The following ERC2 variants were observed in gnomAD, a reference collection of about 807,000 sequenced individuals.
The protein encoded by ERC2 is ERC protein 2.
A neutral mutation model predicts 114.8 loss-of-function variants in ERC2; 42 were observed. The ratio of observed to expected loss-of-function variants is 0.37; its 90% CI spans 0.29 to 0.47. The LOEUF (loss-of-function observed/expected upper bound fraction) is 0.47, where lower values mean the gene tolerates loss of function less well. Among genes scored for constraint, ERC2 ranks in the 20% least tolerant of loss-of-function variants. The pLI is 0.99. For synonymous variants in ERC2, 454 were observed against 425.5 expected, an observed-to-expected ratio of 1.07 and a Z score of -0.82; for missense variants, 939 against 1,150.7, an observed-to-expected ratio of 0.82 and a Z score of 2.66.
At chr3:55,884,899 A>T (rs1236558493) in intron 14 of ERC2, among the ~76,000 whole-genome samples, 1 of 152,218 alleles carries the variant, frequency 6.6e-6, no homozygotes, top group East Asian at 1.9e-4. Flanking sequence ...GCTTAAAAAA[A>T]AAAATCTTAT....
intron 6 of ERC2, among the ~76,000 whole-genome samples, chr3:56,106,357 G>A (rs1478381354): frequency 2.6e-5 from 4 of 152,232 alleles, no homozygotes; most frequent in African/African-American, 9.6e-5. Flanking sequence ...ATCCAGTTAT[G>A]TATTAGAGCT....
intron 17 of ERC2, among the ~76,000 whole-genome samples, chr3:55,564,417 TA>T (rs1452277693): frequency 1.3e-5 from 2 of 152,190 alleles, no homozygotes; most frequent in Non-Finnish European, 2.9e-5. Context: ...ACCCATAATT[TA>T]ACCAGTTGTG....
intron 17 of ERC2, among the ~76,000 whole-genome samples, chr3:55,592,359 T>C (rs964643241): frequency 6.6e-6 from 1 of 152,180 alleles, no homozygotes; most frequent in Admixed American, 6.5e-5. Flanking sequence ...TCTAGGCCAA[T>C]CCCTTCAGCC....
At chr3:56,244,904 TA>T (rs2051578243) in intron 3 of ERC2, among the ~76,000 whole-genome samples, 2 of 152,266 alleles carry the variant, frequency 1.3e-5, no homozygotes, top group South Asian at 2.1e-4. Context: ...CTCTCTTTCA[TA>T]CCACATTTTT....
chr3:56,309,119 G>T (rs891386808), intron 2 of ERC2, among the ~76,000 whole-genome samples: 1 of 152,236 alleles, frequency 6.6e-6, no homozygotes, highest in East Asian at 1.9e-4. Flanking sequence ...TTGGCCTGCT[G>T]AGGGAGGTAT....
intron 2 of ERC2, among the ~76,000 whole-genome samples, chr3:56,394,963 G>A (rs1477351964): frequency 3.3e-5 from 5 of 151,524 alleles, no homozygotes; most frequent in South Asian, 2.1e-4. Flanking sequence ...TCCATACAAC[G>A]GAATATTATC....
At chr3:55,822,559 CT>C (rs1317529889) in intron 14 of ERC2, among the ~76,000 whole-genome samples, 4 of 131,192 alleles carry the variant, frequency 3.0e-5, no homozygotes, top group South Asian at 2.5e-4. Flanking sequence ...ATTTTTTTTT[CT>C]TTTTTTTCTT....
intron 1 of ERC2, among the ~76,000 whole-genome samples, chr3:56,449,457 C>T (rs981655126): frequency 2.6e-5 from 4 of 152,168 alleles, no homozygotes; most frequent in Admixed American, 2.6e-4. Flanking sequence ...TGCAAAACAA[C>T]TTTGAAATAA....
intron 17 of ERC2, among the ~76,000 whole-genome samples, chr3:55,553,652 C>T (rs2055391441): frequency 6.6e-6 from 1 of 151,890 alleles, no homozygotes; most frequent in Admixed American, 6.6e-5. Flanking sequence ...TAGTGGCGGG[C>T]ACCGGTAGTC....
At chr3:55,916,849 C>A (rs1202231269) in intron 13 of ERC2, among the ~76,000 whole-genome samples, 9 of 152,108 alleles carry the variant, frequency 5.9e-5, no homozygotes, top group Non-Finnish European at 1.0e-4. Context: ...GTCTTTCTTG[C>A]CCTTCTGTTC....
chr3:55,932,810 C>T (rs945604258), intron 13 of ERC2, among the ~76,000 whole-genome samples: 2 of 152,184 alleles, frequency 1.3e-5, no homozygotes, highest in East Asian at 3.9e-4. Flanking sequence ...TAGAATGAGG[C>T]AAACTATCTT....
At chr3:56,062,200 G>A (rs2076271984) in intron 7 of ERC2, among the ~76,000 whole-genome samples, 3 of 152,128 alleles carry the variant, frequency 2.0e-5, no homozygotes, top group South Asian at 2.1e-4. Context: ...TTACATGTAA[G>A]CTAATTATTT....
intron 14 of ERC2, among the ~76,000 whole-genome samples, chr3:55,887,720 C>T (rs1240496818): frequency 6.6e-6 from 1 of 152,164 alleles, no homozygotes; most frequent in African/African-American, 2.4e-5. Context: ...GGGTGTGTCA[C>T]AGGACCACAG....
chr3:56,330,156 C>A lies in ERC2; in HGVS notation c.658-33721G>T, dbSNP rs566257899. 7.9e-5 allele frequency among the ~76,000 whole-genome samples: 12 copies of A among 152,176 alleles called. 1 individual carries two copies. Among genetic ancestry groups the A allele is most frequent in the African/African-American group, 2.9e-4 (12 of 41,504 alleles). On this transcript the variant is annotated intron_variant, in intron 2 of 17. Coordinates refer to ENST00000288221, the MANE Select transcript of ERC2 (RefSeq NM_015576.3). Reference sequence around the variant, plus strand: ...TCAATTGATTGTCACACCTCAGCCTCGTGAGTAGCTGGGACTACAGGCACA... The same window carrying A: ...TCAATTGATTGTCACACCTCAGCCTAGTGAGTAGCTGGGACTACAGGCACA...
intron 14 of ERC2, among the ~76,000 whole-genome samples, chr3:55,804,652 T>C (rs554846265): frequency 6.6e-6 from 1 of 152,238 alleles, no homozygotes; most frequent in Admixed American, 6.5e-5. Flanking sequence ...TATGGCTGAC[T>C]TCAAAGCCAG....
chr3:56,109,650 C>T (rs979963107), intron 6 of ERC2, among the ~76,000 whole-genome samples: 13 of 152,180 alleles, frequency 8.5e-5, no homozygotes, highest in Non-Finnish European at 1.8e-4. Context: ...AGAATGAATT[C>T]TTGGGTGTCC....
chr3:55,745,052 C>T (rs1182991175), intron 14 of ERC2, among the ~76,000 whole-genome samples: 1 of 152,206 alleles, frequency 6.6e-6, no homozygotes. Context: ...TCACTGGTCT[C>T]TTACTTTCAA....
At chr3:56,002,254 C>A (rs2072132926) in intron 10 of ERC2, among the ~76,000 whole-genome samples, 1 of 152,070 alleles carries the variant, frequency 6.6e-6, no homozygotes, top group East Asian at 1.9e-4. Context: ...TTTATCCATG[C>A]TATTCATTTT....
At chr3:55,989,556 T>C (rs1409991317) in intron 11 of ERC2, among the ~76,000 whole-genome samples, 4 of 152,188 alleles carry the variant, frequency 2.6e-5, no homozygotes, top group African/African-American at 9.6e-5. Flanking sequence ...GCTTGACTGT[T>C]TAGTGCTGCT....
Sources: allele counts gnomAD v4.1 joint callset (sites outside exome capture counted in the v4.1 genomes callset), GRCh38; gene constraint gnomAD v4.1.1; transcripts MANE v1.5; gene names NCBI Gene and HGNC (gene_info 2026-07-23, HGNC 2026-07-21).